USP37: variants seen among roughly 807,000 people sequenced by gnomAD.
USP37 encodes the protein ubiquitin specific peptidase 37.
Under a neutral mutation model 124.0 loss-of-function variants are expected in USP37, and 27 were observed. That is an observed-to-expected ratio of 0.22 (90% CI 0.16 to 0.30). The LOEUF (loss-of-function observed/expected upper bound fraction) is 0.30, where lower values mean the gene tolerates loss of function less well. Among genes scored for constraint, USP37 ranks in the 10% least tolerant of loss-of-function variants. The pLI is 1.00. For missense variants in USP37, 889 were observed against 1,140.4 expected (o/e 0.78, Z 3.17); for synonymous variants, 365 against 388.0 (o/e 0.94, Z 0.70).
At chr2:218,559,653 G>C (rs1693211413) in intron 3 of USP37, among the ~76,000 whole-genome samples, 1 of 152,108 alleles carries the variant, frequency 6.6e-6, no homozygotes, top group South Asian at 2.1e-4. Flanking sequence ...TTTCCTGAAT[G>C]AACTTTTAAT....
At position 218,455,665 on chromosome 2, in the gene USP37, T is replaced by C; in HGVS notation, c.2767A>G (p.Asn923Asp). 1 of 1,614,250 alleles carries C rather than the reference T, an allele frequency of 6.2e-7. No homozygotes were observed. The highest frequency in any genetic ancestry group is 8.5e-7 in the Non-Finnish European group (1 of 1,180,044). Residue 923 changes from asparagine to aspartate, a missense_variant, in exon 25 of 26, where the codon AAT becomes GAT. This residue lies in a region of USP37 where 504 missense variants were observed against 714.3 expected (regional missense o/e 0.71). Coordinates refer to ENST00000258399, the MANE Select transcript of USP37 (RefSeq NM_020935.3). ...DIKKQAWFTY[N>D]DLEVSKIQEA... ...TGGATTTTTGATACCTCCAGGTCAT[T>C]GTAAGTAAACCACGCTTGCTTCTTA...
At chr2:218,485,355 C>A (rs1372674891) in intron 16 of USP37, among the ~76,000 whole-genome samples, 1 of 151,732 alleles carries the variant, frequency 6.6e-6, no homozygotes, top group South Asian at 2.1e-4. Flanking sequence ...GGTTTCCCTA[C>A]GTTACCCAGG....
At chr2:218,455,875 G>A (rs111749433) in intron 24 of USP37, among the ~76,000 whole-genome samples, 157 bp from the exon 25 acceptor site, 7,433 of 151,926 alleles carry the variant, frequency 0.049, 522 homozygotes, top group African/African-American at 0.16. Context: ...GTGAAGCCCC[G>A]TCTCTACTAA....
At chr2:218,529,918 C>A in intron 10 of USP37, 38 bp downstream of exon 10, 1 of 1,493,910 alleles carries the variant, frequency 6.7e-7, no homozygotes, top group South Asian at 1.2e-5. Context: ...AAAAAAAGAA[C>A]TCCTAAGTTT....
At chr2:218,527,980 A>T (rs1337457677) in intron 10 of USP37, among the ~76,000 whole-genome samples, 1 of 152,172 alleles carries the variant, frequency 6.6e-6, no homozygotes, top group Non-Finnish European at 1.5e-5. Context: ...AGGCAGGCAC[A>T]TCATGAGGTC....
At chr2:218,551,482 G>A (rs1692662232) in intron 5 of USP37, among the ~76,000 whole-genome samples, 1 of 152,168 alleles carries the variant, frequency 6.6e-6, no homozygotes, top group Non-Finnish European at 1.5e-5. Flanking sequence ...TTAGAGATTA[G>A]GAAATTAAAA....
chr2:218,547,213 T>G (rs2106044770), intron 6 of USP37, 122 bp from the exon 7 acceptor site: 1 of 1,056,802 alleles, frequency 9.5e-7, no homozygotes, highest in East Asian at 2.6e-5. Context: ...GGCTCATGCC[T>G]GTAATCCCAG....
rs774313240 is a variant in USP37 at position 218,552,718 on chromosome 2, A to AT, written c.328+834dup. 5.9e-5 allele frequency among the ~76,000 whole-genome samples: 9 copies of AT among 152,310 alleles called. No homozygotes were observed. The East Asian group carries it at 1.2e-3, about 20-fold the overall frequency. ...CAGAGGAACCTGATCATACCATGTG[A>AT]TTTTTTTACAGGACTCATTTTCCAC... is the stretch of plus-strand genomic sequence containing the variant. On this transcript the variant is annotated intron_variant, in intron 5 of 25. Transcript: ENST00000258399.
intron 25 of USP37, 70 bp downstream of exon 25, chr2:218,455,510 G>GAAA: frequency 3.7e-6 from 5 of 1,339,042 alleles, no homozygotes; most frequent in African/African-American, 1.6e-5. Context: ...ATCCTCAAAG[G>GAAA]AAAAAAAAAA....
chr2:218,526,450 G>T (rs1690971195), intron 10 of USP37, among the ~76,000 whole-genome samples: 1 of 151,950 alleles, frequency 6.6e-6, no homozygotes, highest in Non-Finnish European at 1.5e-5. Context: ...GCCCAGGCTG[G>T]TTCGAATGGT....
chr2:218,457,204 A>G (rs1574830256), intron 23 of USP37, 43 bp from the exon 24 acceptor site: 10 of 1,554,144 alleles, frequency 6.4e-6, no homozygotes, highest in African/African-American at 1.4e-5. Context: ...CTTCATTTGA[A>G]TAAAAGCAAA....
At chr2:218,510,224 G>A in intron 10 of USP37, 84 bp from the exon 11 acceptor site, 2 of 1,419,504 alleles carry the variant, frequency 1.4e-6, no homozygotes, top group Non-Finnish European at 1.9e-6. Context: ...AGAAGTCAAT[G>A]TTTAAGGAAA....
At chr2:218,527,988 G>T (rs1333822970) in intron 10 of USP37, among the ~76,000 whole-genome samples, 1 of 152,040 alleles carries the variant, frequency 6.6e-6, no homozygotes, top group African/African-American at 2.4e-5. Context: ...ACATCATGAG[G>T]TCAGGAAATC....
intron 1 of USP37, among the ~76,000 whole-genome samples, chr2:218,564,052 G>A (rs914207577): frequency 2.6e-5 from 4 of 152,026 alleles, no homozygotes; most frequent in African/African-American, 7.2e-5. Context: ...GCCTGGGTGA[G>A]GGAGCAAGAC....
chr2:218,552,776 T>C (rs1363335662), intron 5 of USP37, among the ~76,000 whole-genome samples: 1 of 152,148 alleles, frequency 6.6e-6, no homozygotes, highest in Non-Finnish European at 1.5e-5. Flanking sequence ...AATTTTCATA[T>C]AGATAGGTAA....
chr2:218,550,130 C>T (rs1474611049), intron 5 of USP37, among the ~76,000 whole-genome samples: 1 of 151,724 alleles, frequency 6.6e-6, no homozygotes, highest in Admixed American at 6.6e-5. Flanking sequence ...AATTAAGTAA[C>T]ACATATACCT....
At position 218,467,359 on chromosome 2, in the gene USP37, T is replaced by TATCTATC. The variant is rs60648603; in HGVS notation, c.2300-1184_2300-1183insGATAGAT. 7.7e-3 allele frequency among the ~76,000 whole-genome samples: 868 copies of TATCTATC among 112,862 alleles called. 7 individuals carry two copies. The highest frequency in any genetic ancestry group is 0.025 in the African/African-American group (806 of 32,808). 74.0% of individuals were successfully genotyped at this position (112,862 alleles called of 152,430 possible). A position where few individuals can be genotyped will look rare whatever the true frequency, so the allele number is the denominator to read the frequency against. ...TCTATCTATCTATCTATCTATCTATTTTTTTTTGAGATGGAGTTTCGCTCT... is the reference window on the plus strand; with the variant it reads ...TCTATCTATCTATCTATCTATCTATTATCTATCTTTTTTTGAGATGGAGTTTCGCTCT... On this transcript the variant is annotated intron_variant, in intron 20 of 25. Transcript: ENST00000258399.
chr2:218,525,767 T>C (rs935354065), intron 10 of USP37, among the ~76,000 whole-genome samples: 2 of 152,190 alleles, frequency 1.3e-5, no homozygotes, highest in African/African-American at 2.4e-5. Context: ...GCATGGGGGT[T>C]TGTTATACAG....
chr2:218,555,469 C>T (rs538773688), intron 4 of USP37, among the ~76,000 whole-genome samples: 1 of 152,230 alleles, frequency 6.6e-6, no homozygotes, highest in South Asian at 2.1e-4. Flanking sequence ...GTTTTAGATG[C>T]TTTTAACTCC....
Sources: allele counts gnomAD v4.1 joint callset (sites outside exome capture counted in the v4.1 genomes callset), GRCh38; gene constraint gnomAD v4.1.1; regional missense constraint gnomAD v4.1.1; transcripts MANE v1.5; gene names NCBI Gene and HGNC (gene_info 2026-07-23, HGNC 2026-07-21).